ANKRD29: variants seen among roughly 807,000 people sequenced by gnomAD.
ANKRD29 encodes ankyrin repeat domain 29.
In ANKRD29, 32 loss-of-function variants were observed where a neutral mutation model predicts 38.0. The observed-to-expected ratio is 0.84, with a 90% CI of 0.64 to 1.13. The LOEUF (loss-of-function observed/expected upper bound fraction) is 1.13. ANKRD29 is among the 50% of genes most tolerant of loss of function. The pLI, the probability that ANKRD29 is intolerant of heterozygous loss-of-function variation, is 0.00. For missense variants in ANKRD29, 357 were observed against 377.9 expected (o/e 0.94, Z 0.46); for synonymous variants, 135 against 152.4 (o/e 0.89, Z 0.84).
chr18:23,654,197 C>T (rs1442329562), intron 1 of ANKRD29, among the ~76,000 whole-genome samples: 2 of 151,626 alleles, frequency 1.3e-5, no homozygotes, highest in Non-Finnish European at 2.9e-5. Flanking sequence ...ATCCGGGAGG[C>T]GGAGGTTGCA....
intron 3 of ANKRD29, among the ~76,000 whole-genome samples, chr18:23,641,249 T>C (rs1490542503): frequency 6.6e-6 from 1 of 152,178 alleles, no homozygotes; most frequent in Non-Finnish European, 1.5e-5. Flanking sequence ...CCATCCCCTA[T>C]TGAGTTGGCT....
At position 23,649,288 on chromosome 18, in the gene ANKRD29, T is replaced by A. The variant is rs533431276; in HGVS notation, c.22-95A>T. 3,362 of 893,544 alleles carry A rather than the reference T, an allele frequency of 3.8e-3. 21 individuals carry two copies. Among genetic ancestry groups the A allele is most frequent in the South Asian group, 7.6e-3 (487 of 63,904 alleles). The allele number at this position is 893,544 out of a possible 1,614,324, so 55.4% of individuals were successfully genotyped here. On this transcript the variant is annotated intron_variant, in intron 1 of 9. Transcript: ENST00000592179. Reference sequence around the variant, plus strand: ...ATAATAACATTCAGAAAGAAGAACATCCAGATGTGTTGCATCATTTGAAAG... The same window carrying A: ...ATAATAACATTCAGAAAGAAGAACAACCAGATGTGTTGCATCATTTGAAAG...
intron 9 of ANKRD29, among the ~76,000 whole-genome samples, chr18:23,610,059 TA>T (rs957722412): frequency 7.4e-4 from 113 of 151,984 alleles, no homozygotes; most frequent in African/African-American, 2.3e-3. Context: ...TTTTTATTAT[TA>T]AAAAAAAATT....
chr18:23,632,063 C>T (rs1171944474), intron 5 of ANKRD29, among the ~76,000 whole-genome samples: 1 of 152,178 alleles, frequency 6.6e-6, no homozygotes, highest in African/African-American at 2.4e-5. Flanking sequence ...CGTGGAGGGT[C>T]CTGGATTTTC....
intron 5 of ANKRD29, among the ~76,000 whole-genome samples, chr18:23,632,293 A>G (rs981962086): frequency 6.6e-5 from 10 of 151,838 alleles, no homozygotes; most frequent in Middle Eastern, 3.4e-3. Flanking sequence ...CTACCCATGC[A>G]TTGAATTTTT....
intron 9 of ANKRD29, among the ~76,000 whole-genome samples, chr18:23,611,086 TA>T (rs1568007970): frequency 1.3e-5 from 2 of 152,226 alleles, no homozygotes; most frequent in Non-Finnish European, 2.9e-5. Flanking sequence ...GACAATCATT[TA>T]AAAAAATTCT....
chr18:23,627,469 G>T (rs1007693822), intron 6 of ANKRD29, among the ~76,000 whole-genome samples: 19 of 152,156 alleles, frequency 1.2e-4, no homozygotes, highest in Admixed American at 1.2e-3. Flanking sequence ...TCTTGAGGAA[G>T]AAAAAACAGC....
At chr18:23,660,501 A>G (rs1211801477) in intron 1 of ANKRD29, among the ~76,000 whole-genome samples, 1 of 152,218 alleles carries the variant, frequency 6.6e-6, no homozygotes, top group Non-Finnish European at 1.5e-5. Flanking sequence ...TGCTGCAGCC[A>G]CTGCCTTTTA....
At chr18:23,652,298 G>A (rs925898453) in intron 1 of ANKRD29, among the ~76,000 whole-genome samples, 1 of 152,142 alleles carries the variant, frequency 6.6e-6, no homozygotes, top group Non-Finnish European at 1.5e-5. Context: ...AGTGGGCACT[G>A]GGACGACCCC....
intron 1 of ANKRD29, among the ~76,000 whole-genome samples, chr18:23,661,962 A>G (rs982297660): frequency 1.3e-5 from 2 of 151,712 alleles, no homozygotes; most frequent in Non-Finnish European, 1.5e-5. Context: ...TCTTAACACC[A>G]TAACTTATTG....
At chr18:23,655,172 C>T (rs2060262982) in intron 1 of ANKRD29, among the ~76,000 whole-genome samples, 2 of 135,692 alleles carry the variant, frequency 1.5e-5, no homozygotes, top group South Asian at 2.7e-4. Context: ...TTTAAGCCCC[C>T]CCACTGACTG....
chr18:23,626,794 C>G (rs16940226), intron 6 of ANKRD29, among the ~76,000 whole-genome samples: 5,427 of 152,288 alleles, frequency 0.036, 270 homozygotes, highest in African/African-American at 0.11. Flanking sequence ...TATCAAATGT[C>G]AGCTGAGTAA....
chr18:23,638,195 T>C (rs909648116), intron 4 of ANKRD29, among the ~76,000 whole-genome samples: 12 of 151,672 alleles, frequency 7.9e-5, no homozygotes, highest in African/African-American at 2.9e-4. Context: ...AGAGACAGGG[T>C]TTCACCATGT....
chr18:23,654,303 T>C (rs965154168), intron 1 of ANKRD29, among the ~76,000 whole-genome samples: 4 of 147,616 alleles, frequency 2.7e-5, no homozygotes, highest in Admixed American at 6.8e-5. Context: ...AATAAATAAA[T>C]AAATAAATAA....
intron 1 of ANKRD29, among the ~76,000 whole-genome samples, chr18:23,660,974 T>C (rs965045239): frequency 1.3e-5 from 2 of 152,246 alleles, no homozygotes; most frequent in Non-Finnish European, 2.9e-5. Flanking sequence ...ATTCCGTCAC[T>C]AAATCCAATG....
chr18:23,637,338 G>A (rs902975665), intron 4 of ANKRD29, among the ~76,000 whole-genome samples: 5 of 152,150 alleles, frequency 3.3e-5, no homozygotes. Flanking sequence ...ACAATAGCAG[G>A]TTTCAGAAAA....
chr18:23,604,041 C>T (rs1354391840), intron 9 of ANKRD29, among the ~76,000 whole-genome samples: 1 of 152,082 alleles, frequency 6.6e-6, no homozygotes, highest in Admixed American at 6.5e-5. Flanking sequence ...GAGGTTTCAT[C>T]GTGTTGGCCA....
chr18:23,641,763 C>T (rs1456531660), intron 3 of ANKRD29, among the ~76,000 whole-genome samples: 4 of 152,200 alleles, frequency 2.6e-5, no homozygotes, highest in Non-Finnish European at 5.9e-5. Context: ...AAAAGATGTC[C>T]CGACTACCAG....
chr18:23,662,209 G>T (rs1215978888), intron 1 of ANKRD29, among the ~76,000 whole-genome samples: 3 of 152,126 alleles, frequency 2.0e-5, no homozygotes, highest in Admixed American at 6.5e-5. Context: ...AAAATGTGGG[G>T]ATTAGATGGA....
Sources: allele counts gnomAD v4.1 joint callset (sites outside exome capture counted in the v4.1 genomes callset), GRCh38; gene constraint gnomAD v4.1.1; transcripts MANE v1.5; gene names NCBI Gene and HGNC (gene_info 2026-07-23, HGNC 2026-07-21).